BZW2: variants seen among roughly 807,000 people sequenced by gnomAD.
BZW2 encodes eIF5-mimic protein 1.
Under a neutral mutation model 53.2 loss-of-function variants are expected in BZW2, and 23 were observed. The observed-to-expected ratio is 0.43, with a 90% CI of 0.31 to 0.61. The LOEUF is 0.61. BZW2 is among the 20% of genes least tolerant of loss of function. BZW2 has a pLI of 0.09. For synonymous variants in BZW2, 227 were observed against 186.4 expected (o/e 1.22, Z -1.77); for missense variants, 409 against 503.1 (o/e 0.81, Z 1.79).
intron 1 of BZW2, among the ~76,000 whole-genome samples, chr7:16,656,738 CCCTTT>C (rs1268562377): frequency 6.6e-6 from 1 of 152,152 alleles, no homozygotes; most frequent in Non-Finnish European, 1.5e-5. Context: ...TCACTTACTT[CCCTTT>C]CCTTGTGTAC....
intron 1 of BZW2, among the ~76,000 whole-genome samples, chr7:16,653,730 C>T (rs951086866): frequency 1.3e-5 from 2 of 152,032 alleles, no homozygotes; most frequent in African/African-American, 4.8e-5. Flanking sequence ...AGGTGAAAAT[C>T]TCGAATGCAT....
Position 16,674,448 on chromosome 7 carries a change from A to G in BZW2, c.95A>G (p.Asp32Gly). ...AAATTCGAACCCACAGTCTTCAGGG[A>G]TACACTTGTCCAGGGGCTTAATGAG... ...KEKFEPTVFR[D>G]TLVQGLNEAG... is the part of the protein sequence containing the mutation. Residue 32 changes from aspartate (D) to glycine (G), a missense_variant, in exon 3 of 12, where the codon GAT (aspartate) becomes GGT (glycine). By Grantham distance (94) the Asp-to-Gly change is moderately conservative. Around this residue, in one of 3 missense-constraint regions of BZW2, gnomAD observed 316 missense variants for 366.8 expected, o/e 0.86. Coordinates refer to ENST00000258761, the MANE Select transcript of BZW2 (RefSeq NM_014038.3). 1 of 1,610,400 alleles carries G rather than the reference A, an allele frequency of 6.2e-7. No individual in the cohort carries two copies. Among genetic ancestry groups the G allele is most frequent in the South Asian group, 1.1e-5 (1 of 90,488 alleles).
chr7:16,656,137 C>CTATATATATATATATATA (rs1554264390), intron 1 of BZW2, among the ~76,000 whole-genome samples: 17 of 141,536 alleles, frequency 1.2e-4, no homozygotes, highest in African/African-American at 4.9e-4. Context: ...ATATAAATGA[C>CTATATATATATATATATA]TATATATATA....
intron 2 of BZW2, among the ~76,000 whole-genome samples, chr7:16,671,799 C>T (rs930296335): frequency 1.3e-5 from 2 of 152,062 alleles, no homozygotes; most frequent in South Asian, 2.1e-4. Flanking sequence ...GGTGTGGTGG[C>T]ATGTACCTGT....
chr7:16,663,211 C>A (rs572510471), intron 1 of BZW2, among the ~76,000 whole-genome samples: 37 of 152,240 alleles, frequency 2.4e-4, no homozygotes, highest in African/African-American at 8.7e-4. Context: ...TGCTGTTGCC[C>A]CCATACACAT....
chr7:16,683,899 A>G (rs528913149), intron 5 of BZW2, among the ~76,000 whole-genome samples: 2 of 152,282 alleles, frequency 1.3e-5, no homozygotes, highest in Admixed American at 6.5e-5. Flanking sequence ...ACCCAGTTCA[A>G]AGTGGTTCTG....
At position 16,697,052 on chromosome 7, in the gene BZW2, G is replaced by A. The variant is rs769442399; in HGVS notation, c.960G>A (p.Lys320=). ...AACTTGTTGCAGAGCAGGCTCTGAA[G>A]CACCTGAAGGTAACAGCCCTTAGCA... ...KEELVAEQAL[K]HLKQYAPLLA... is the part of the protein sequence containing the mutation. Residue 320 remains lysine, a synonymous_variant, in exon 9 of 12, where the codon AAG becomes AAA. Coordinates refer to ENST00000258761, the MANE Select transcript of BZW2 (RefSeq NM_014038.3). The A allele has an allele frequency of 6.2e-7, 1 of 1,614,020 alleles. No individual in the cohort carries two copies. Among genetic ancestry groups the A allele is most frequent in the Non-Finnish European group, 8.5e-7 (1 of 1,179,952 alleles).
At chr7:16,654,701 A>C (rs1782076865) in intron 1 of BZW2, among the ~76,000 whole-genome samples, 1 of 132,556 alleles carries the variant, frequency 7.5e-6, no homozygotes, top group South Asian at 2.6e-4. Flanking sequence ...TGCCTGGCTA[A>C]TTGTTTTTTT....
At chr7:16,662,955 T>C (rs1318908156) in intron 1 of BZW2, among the ~76,000 whole-genome samples, 1 of 152,184 alleles carries the variant, frequency 6.6e-6, no homozygotes, top group African/African-American at 2.4e-5. Flanking sequence ...AACACAAATA[T>C]ATTTTGTATA....
At chr7:16,646,829 A>G (rs1781877658) in intron 1 of BZW2, among the ~76,000 whole-genome samples, 1 of 151,886 alleles carries the variant, frequency 6.6e-6, no homozygotes, top group Non-Finnish European at 1.5e-5. Flanking sequence ...AGATGTTTGG[A>G]AACAATTTAC....
At chr7:16,699,709 A>G (rs1039837554) in intron 10 of BZW2, among the ~76,000 whole-genome samples, 1 of 152,094 alleles carries the variant, frequency 6.6e-6, no homozygotes, top group Non-Finnish European at 1.5e-5. Context: ...CAGCAAACCC[A>G]TTGTTACGGG....
chr7:16,668,249 T>A (rs1188620413), intron 2 of BZW2, among the ~76,000 whole-genome samples: 2 of 152,174 alleles, frequency 1.3e-5, no homozygotes, highest in Non-Finnish European at 2.9e-5. Context: ...ACAGCAGACG[T>A]GAGTCAGCGA....
chr7:16,656,137 C>CTATATA (rs1554264390), intron 1 of BZW2, among the ~76,000 whole-genome samples: 38 of 141,536 alleles, frequency 2.7e-4, no homozygotes, highest in African/African-American at 1.1e-3. Context: ...ATATAAATGA[C>CTATATA]TATATATATA....
intron 1 of BZW2, among the ~76,000 whole-genome samples, chr7:16,648,034 T>C (rs1413929813): frequency 6.6e-6 from 1 of 152,222 alleles, no homozygotes; most frequent in Non-Finnish European, 1.5e-5. Flanking sequence ...TTAGAGACAA[T>C]AACGTTGAAA....
intron 1 of BZW2, among the ~76,000 whole-genome samples, chr7:16,664,265 C>G (rs140179024): frequency 6.6e-6 from 1 of 152,188 alleles, no homozygotes; most frequent in Non-Finnish European, 1.5e-5. Context: ...GGAGGTTACA[C>G]TCATGGAGGG....
intron 1 of BZW2, among the ~76,000 whole-genome samples, chr7:16,654,083 C>CAAAAA (rs61590306): frequency 4.8e-5 from 4 of 82,534 alleles, no homozygotes; most frequent in Non-Finnish European, 6.7e-5. Flanking sequence ...CCCATCTCTA[C>CAAAAA]AAAAAAAAAA....
intron 1 of BZW2, among the ~76,000 whole-genome samples, chr7:16,652,599 A>G (rs1782013805): frequency 6.6e-6 from 1 of 151,962 alleles, no homozygotes; most frequent in Non-Finnish European, 1.5e-5. Context: ...TGACTGGCTG[A>G]CTGTAACCTC....
chr7:16,647,618 T>G (rs1289032615), intron 1 of BZW2, among the ~76,000 whole-genome samples: 1 of 152,176 alleles, frequency 6.6e-6, no homozygotes, highest in Non-Finnish European at 1.5e-5. Context: ...ATAACAAAGA[T>G]ACTTTTGTTG....
chr7:16,660,224 G>A (rs1562477415), intron 1 of BZW2, among the ~76,000 whole-genome samples: 1 of 151,398 alleles, frequency 6.6e-6, no homozygotes, highest in Admixed American at 6.6e-5. Flanking sequence ...TCCACCTTGG[G>A]CAACATGGGG....
Sources: gnomAD v4.1 joint callset for allele counts (sites outside exome capture counted in the v4.1 genomes callset) on GRCh38, gnomAD v4.1.1 for gene constraint, gnomAD v4.1.1 regional missense constraint, MANE v1.5 for transcripts, NCBI Gene and HGNC (gene_info 2026-07-23, HGNC 2026-07-21) for gene names.